Variants in NFIA observed in about 807,000 individuals in gnomAD.
NFIA encodes nuclear factor 1 A-type.
NFIA carries 8 observed loss-of-function variants against 62.8 expected under a neutral mutation model. The observed-to-expected ratio is 0.13, with a 90% CI of 0.07 to 0.23. The LOEUF is 0.23. Among genes scored for constraint, NFIA ranks in the 10% least tolerant of loss-of-function variants. NFIA has a pLI of 1.00. For synonymous variants in NFIA, 235 were observed against 238.1 expected (o/e 0.99, Z 0.12); for missense variants, 410 against 642.1 (o/e 0.64, Z 3.91).
intron 2 of NFIA, among the ~76,000 whole-genome samples, chr1:61,145,123 T>A (rs1272491519): frequency 6.6e-6 from 1 of 152,170 alleles, no homozygotes; most frequent in Non-Finnish European, 1.5e-5. Flanking sequence ...GCTTGTGGCA[T>A]TAATAGTAAA....
At chr1:61,128,161 C>T (rs1570219425) in intron 2 of NFIA, among the ~76,000 whole-genome samples, 1 of 152,042 alleles carries the variant, frequency 6.6e-6, no homozygotes, top group Non-Finnish European at 1.5e-5. Flanking sequence ...ATGTTGCCCA[C>T]GCTGGCTCAA....
chr1:61,122,320 T>C (rs1646900521), intron 2 of NFIA, among the ~76,000 whole-genome samples: 1 of 152,244 alleles, frequency 6.6e-6, no homozygotes, highest in South Asian at 2.1e-4. Flanking sequence ...TAAAGAGTTA[T>C]AGTGCAGTAA....
intron 2 of NFIA, among the ~76,000 whole-genome samples, chr1:61,155,697 A>AAAAAAAAAC (rs1648767443): frequency 6.6e-6 from 1 of 150,790 alleles, no homozygotes; most frequent in African/African-American, 2.4e-5. Flanking sequence ...AAAAAAAAAA[A>AAAAAAAAAC]TCTAGAGTTG....
intron 2 of NFIA, among the ~76,000 whole-genome samples, chr1:61,269,440 A>G (rs953435168): frequency 6.6e-5 from 10 of 152,204 alleles, no homozygotes; most frequent in African/African-American, 2.4e-4. Context: ...TGTCATTACC[A>G]TTAGGAAATC....
chr1:61,217,775 T>G (rs1175750750), intron 2 of NFIA, among the ~76,000 whole-genome samples: 1 of 152,218 alleles, frequency 6.6e-6, no homozygotes, highest in Non-Finnish European at 1.5e-5. Context: ...TTATAAACTC[T>G]TAAATGTAAC....
intron 9 of NFIA, among the ~76,000 whole-genome samples, chr1:61,420,480 C>G (rs953799475): frequency 6.6e-6 from 1 of 151,776 alleles, no homozygotes; most frequent in African/African-American, 2.4e-5. Context: ...CTGAATGCTT[C>G]TTAGGCACGT....
chr1:61,366,053 T>A (rs1455038633), intron 6 of NFIA, among the ~76,000 whole-genome samples: 1 of 152,194 alleles, frequency 6.6e-6, no homozygotes, highest in African/African-American at 2.4e-5. Flanking sequence ...CACTTGAAAG[T>A]GAGACTTGTC....
chr1:61,110,929 T>G (rs1646684573), intron 2 of NFIA, among the ~76,000 whole-genome samples: 1 of 152,136 alleles, frequency 6.6e-6, no homozygotes, highest in South Asian at 2.1e-4. Flanking sequence ...GAGTGATCTC[T>G]TGAACTGTAG....
At chr1:61,350,749 C>T (rs1217932866) in intron 4 of NFIA, among the ~76,000 whole-genome samples, 2 of 152,196 alleles carry the variant, frequency 1.3e-5, no homozygotes, top group East Asian at 3.9e-4. Context: ...TATCAGAAAT[C>T]CAGTAAACAT....
At chr1:61,232,749 C>G (rs895912008) in intron 2 of NFIA, among the ~76,000 whole-genome samples, 3 of 152,072 alleles carry the variant, frequency 2.0e-5, no homozygotes, top group Non-Finnish European at 4.4e-5. Context: ...TTTTCCTGCT[C>G]TAAGTATAAA....
At chr1:61,195,469 C>T (rs1181707916) in intron 2 of NFIA, among the ~76,000 whole-genome samples, 1 of 152,118 alleles carries the variant, frequency 6.6e-6, no homozygotes, top group African/African-American at 2.4e-5. Flanking sequence ...CAATGTTGTT[C>T]TCCTGACCTT....
chr1:61,214,153 C>T (rs143373864), intron 2 of NFIA, among the ~76,000 whole-genome samples: 2 of 152,130 alleles, frequency 1.3e-5, no homozygotes, highest in Non-Finnish European at 2.9e-5. Context: ...AGTGGACAGC[C>T]GATTAAAAGA....
Position 61,461,365 on chromosome 1 carries a change from T to C in NFIA, c.*6045T>C, listed in dbSNP as rs955752646. The C allele has an allele frequency of 6.6e-6, 1 of 152,240 alleles. No homozygotes were observed. Among genetic ancestry groups the C allele is most frequent in the African/African-American group, 2.4e-5 (1 of 41,470 alleles). 9.4% of individuals were successfully genotyped at this position (152,240 alleles called of 1,614,324 possible). ...AATATTTTCTTCAAAAATAAAACTC[T>C]GTACAAACTTTGGGCCCGATTCATA... On this transcript the variant is annotated 3_prime_UTR_variant, in exon 11 of 11. Coordinates refer to ENST00000403491, the MANE Select transcript of NFIA (RefSeq NM_001134673.4).
chr1:61,373,700 G>A (rs990236101), intron 6 of NFIA, among the ~76,000 whole-genome samples: 10 of 152,118 alleles, frequency 6.6e-5, no homozygotes, highest in Non-Finnish European at 1.0e-4. Context: ...CTTGAACACT[G>A]AGTTACTTCC....
intron 4 of NFIA, among the ~76,000 whole-genome samples, chr1:61,334,593 A>G (rs190789067): frequency 0.035 from 3,029 of 87,276 alleles, 333 homozygotes; most frequent in African/African-American, 0.11. Flanking sequence ...ATATATATAT[A>G]TATATATATA....
intron 9 of NFIA, among the ~76,000 whole-genome samples, chr1:61,413,543 C>T (rs1364621466): frequency 2.0e-5 from 3 of 150,104 alleles, no homozygotes; most frequent in Non-Finnish European, 4.4e-5. Flanking sequence ...AACAATGTCA[C>T]TAGATTTCTG....
chr1:61,223,064 A>G (rs1654117219), intron 2 of NFIA, among the ~76,000 whole-genome samples: 1 of 152,096 alleles, frequency 6.6e-6, no homozygotes, highest in East Asian at 1.9e-4. Flanking sequence ...ATTTTTACCC[A>G]TATGCTTTAA....
intron 2 of NFIA, among the ~76,000 whole-genome samples, chr1:61,137,875 A>C (rs1647230924): frequency 6.6e-6 from 1 of 152,084 alleles, no homozygotes; most frequent in Non-Finnish European, 1.5e-5. Flanking sequence ...TTTATGCATT[A>C]ATTAGCATGT....
intron 2 of NFIA, among the ~76,000 whole-genome samples, chr1:61,190,221 C>G (rs1156265779): frequency 6.6e-6 from 1 of 152,158 alleles, no homozygotes; most frequent in Non-Finnish European, 1.5e-5. Flanking sequence ...CTAGAGGCCA[C>G]GGTCTTAATG....
Sources: allele counts gnomAD v4.1 joint callset (sites outside exome capture counted in the v4.1 genomes callset), GRCh38; gene constraint gnomAD v4.1.1; transcripts MANE v1.5; gene names NCBI Gene and HGNC (gene_info 2026-07-23, HGNC 2026-07-21).